Variants in RBFOX1 observed in about 807,000 individuals in gnomAD.
The protein encoded by RBFOX1 is RNA binding protein fox-1 homolog 1.
In RBFOX1, 8 loss-of-function variants were observed where a neutral mutation model predicts 57.7. The ratio of observed to expected loss-of-function variants is 0.14; its 90% CI spans 0.08 to 0.25. RBFOX1 has a LOEUF of 0.25. Ranked by LOEUF, RBFOX1 falls within the 10% of genes least tolerant of loss-of-function variation. RBFOX1 has a pLI of 1.00. For synonymous variants in RBFOX1, 326 were observed against 222.4 expected, an observed-to-expected ratio of 1.47 and a Z score of -4.15; for missense variants, 611 against 548.5, an observed-to-expected ratio of 1.11 and a Z score of -1.14.
At chr16:5,383,433 T>C (rs2066178584) in intron 1 of RBFOX1, among the ~76,000 whole-genome samples, 1 of 152,204 alleles carries the variant, frequency 6.6e-6, no homozygotes, top group East Asian at 1.9e-4. Context: ...GGCACTACAT[T>C]TGGGTCTGTT....
intron 2 of RBFOX1, among the ~76,000 whole-genome samples, chr16:6,430,619 T>A (rs2094052286): frequency 6.6e-6 from 1 of 151,652 alleles, no homozygotes; most frequent in Non-Finnish European, 1.5e-5. Context: ...GGGTGGAGAG[T>A]AAGGCCAGGT....
chr16:7,094,796 A>T lies in RBFOX1; in HGVS notation c.27+42698A>T, dbSNP rs1442324281. 9.9e-4 allele frequency among the ~76,000 whole-genome samples: 81 copies of T among 82,020 alleles called. 1 individual carries two copies. The highest frequency in any genetic ancestry group is 7.0e-3 in the South Asian group (15 of 2,128). The allele number at this position is 82,020 out of a possible 152,430, so 53.8% of individuals were successfully genotyped here. On this transcript the variant is annotated intron_variant, in intron 4 of 15. Transcript: ENST00000550418. ...TGTGTGGGTGTGTGTGTGTGTTGAG[A>T]GAGAGAGAGATTGAGACAGAGGGTA...
chr16:6,177,184 TTG>T (rs1416094483), intron 1 of RBFOX1, among the ~76,000 whole-genome samples: 54 of 150,914 alleles, frequency 3.6e-4, no homozygotes, highest in African/African-American at 1.2e-3. Context: ...CATTTCTTGT[TTG>T]TTTTTTTTTT....
At chr16:5,365,128 C>T (rs1309522097) in intron 1 of RBFOX1, among the ~76,000 whole-genome samples, 1 of 152,136 alleles carries the variant, frequency 6.6e-6, no homozygotes, top group Non-Finnish European at 1.5e-5. Flanking sequence ...GCACCCAGGC[C>T]TGCTGGTGGA....
At chr16:6,022,252 C>G (rs916323779) in intron 1 of RBFOX1, among the ~76,000 whole-genome samples, 1 of 29,510 alleles carries the variant, frequency 3.4e-5, no homozygotes, top group African/African-American at 1.4e-4. Flanking sequence ...CTTAGCAAAT[C>G]TGTTTTTTTT....
At chr16:5,735,010 C>G (rs374815130) in intron 3 of RBFOX1, among the ~76,000 whole-genome samples, 5 of 152,142 alleles carry the variant, frequency 3.3e-5, no homozygotes, top group African/African-American at 9.7e-5. Context: ...GAAGACAACT[C>G]CAAGGAAGAT....
chr16:6,064,047 C>CTA (rs1230975516), intron 1 of RBFOX1, among the ~76,000 whole-genome samples: 1 of 152,132 alleles, frequency 6.6e-6, no homozygotes, highest in Non-Finnish European at 1.5e-5. Context: ...GTGCATTTCC[C>CTA]TATATATTGT....
At chr16:6,269,942 A>C (rs2075001545) in intron 1 of RBFOX1, among the ~76,000 whole-genome samples, 2 of 152,308 alleles carry the variant, frequency 1.3e-5, no homozygotes, top group South Asian at 4.1e-4. Flanking sequence ...TTATATTTTA[A>C]ATGGGGAGAG....
In RBFOX1 at chr16:6,972,040, G is replaced by T. The variant is rs1159827557; in HGVS notation, c.-15-80017G>T. Among the ~76,000 whole-genome samples, 4 of 152,108 alleles carry T rather than the reference G, an allele frequency of 2.6e-5. No homozygotes were observed. The East Asian group carries it at 5.8e-4, about 22-fold the overall frequency. On this transcript the variant is annotated intron_variant, in intron 3 of 15. Coordinates refer to ENST00000550418, the MANE Select transcript of RBFOX1 (RefSeq NM_018723.4). Reference sequence around the variant, plus strand: ...TAGAAAGAAGAGGGGAACAGAGAGGGTCAAAGACTTTTGTTTCCTTAACAA... The same window carrying T: ...TAGAAAGAAGAGGGGAACAGAGAGGTTCAAAGACTTTTGTTTCCTTAACAA...
intron 4 of RBFOX1, among the ~76,000 whole-genome samples, chr16:7,300,155 G>A (rs2095997518): frequency 6.6e-6 from 1 of 152,042 alleles, no homozygotes; most frequent in African/African-American, 2.4e-5. Flanking sequence ...GCTTCCCACA[G>A]CACTCACCAC....
intron 1 of RBFOX1, among the ~76,000 whole-genome samples, chr16:6,218,964 A>C (rs11645590): frequency 0.52 from 78,604 of 151,954 alleles, 20,774 homozygotes; most frequent in Middle Eastern, 0.59. Flanking sequence ...ATAAAAGCAT[A>C]ATAGTCAGTA....
chr16:5,552,714 G>A (rs1379719663), intron 2 of RBFOX1, among the ~76,000 whole-genome samples: 1 of 152,198 alleles, frequency 6.6e-6, no homozygotes, highest in Non-Finnish European at 1.5e-5. Flanking sequence ...GTGCTTCTGA[G>A]CGGGAAGATC....
intron 3 of RBFOX1, among the ~76,000 whole-genome samples, chr16:6,911,719 C>G (rs2071656230): frequency 6.6e-6 from 1 of 152,170 alleles, no homozygotes; most frequent in South Asian, 2.1e-4. Context: ...TTTAATAACA[C>G]TTTTATTTGT....
At chr16:7,158,497 C>G (rs776224969) in intron 4 of RBFOX1, among the ~76,000 whole-genome samples, 1 of 152,024 alleles carries the variant, frequency 6.6e-6, no homozygotes, top group Non-Finnish European at 1.5e-5. Flanking sequence ...TAAATTTGTA[C>G]TCCTGTGGGA....
chr16:5,569,438 CTTTTTTT>C (rs796279138), intron 2 of RBFOX1, among the ~76,000 whole-genome samples: 6 of 49,170 alleles, frequency 1.2e-4, no homozygotes, highest in Non-Finnish European at 2.4e-4. Context: ...AAGAAGTAAC[CTTTTTTT>C]TTTTTTTTTT....
chr16:7,538,774 G>C (rs1177838954), intron 5 of RBFOX1, among the ~76,000 whole-genome samples: 1 of 152,096 alleles, frequency 6.6e-6, no homozygotes, highest in East Asian at 1.9e-4. Context: ...ACTTGGAACT[G>C]GGGAGTAAGT....
chr16:6,724,588 C>T (rs1467734223), intron 3 of RBFOX1, among the ~76,000 whole-genome samples: 1 of 152,082 alleles, frequency 6.6e-6, no homozygotes, highest in Non-Finnish European at 1.5e-5. Context: ...TCCCGGCCTC[C>T]AGAACTATAA....
intron 2 of RBFOX1, among the ~76,000 whole-genome samples, chr16:6,603,191 C>T (rs538019457): frequency 6.6e-6 from 1 of 152,116 alleles, no homozygotes; most frequent in African/African-American, 2.4e-5. Context: ...GCCTTAAGAA[C>T]AAGATTGACC....
intron 4 of RBFOX1, among the ~76,000 whole-genome samples, chr16:7,245,893 AATAG>A (rs1168397721): frequency 6.6e-6 from 1 of 152,182 alleles, no homozygotes; most frequent in Non-Finnish European, 1.5e-5. Context: ...CAGTCTTGCA[AATAG>A]ATATTCAATT....
Sources: allele counts gnomAD v4.1 joint callset (sites outside exome capture counted in the v4.1 genomes callset), GRCh38; gene constraint gnomAD v4.1.1; transcripts MANE v1.5; gene names NCBI Gene and HGNC (gene_info 2026-07-23, HGNC 2026-07-21).